The following WASF3 variants were observed in gnomAD, a reference collection of about 807,000 sequenced individuals.
WASF3 encodes the protein WASP family member 3.
Under a neutral mutation model 46.6 loss-of-function variants are expected in WASF3, and 11 were observed. The observed-to-expected ratio is 0.24, with a 90% CI of 0.15 to 0.39. WASF3 has a LOEUF of 0.39. Among genes scored for constraint, WASF3 ranks in the 10% least tolerant of loss-of-function variants. The pLI, the probability that WASF3 is intolerant of heterozygous loss-of-function variation, is 1.00. For missense variants in WASF3, 576 were observed against 669.8 expected (o/e 0.86, Z 1.55); for synonymous variants, 242 against 259.7 (o/e 0.93, Z 0.65).
At chr13:26,547,667 C>A in the WASF3 span, among the ~76,000 whole-genome samples, 1 of 152,150 alleles carries the variant, frequency 6.6e-6, no homozygotes, top group Admixed American at 6.5e-5. Context: ...ATACTTCTCC[C>A]GGCTCTTGTA....
rs191589866 is a variant in WASF3, at chr13:26,687,266, C to G, written c.*1421C>G. Reference sequence around the variant, plus strand: ...GACTTATTAAGGACTTTAACCTACTCAACAGTATTTCATATCCATTGTGGT... The same window carrying G: ...GACTTATTAAGGACTTTAACCTACTGAACAGTATTTCATATCCATTGTGGT... On this transcript the variant is annotated 3_prime_UTR_variant, in exon 10 of 10. Coordinates refer to ENST00000335327, the MANE Select transcript of WASF3 (RefSeq NM_006646.6). The G allele has an allele frequency of 1.3e-5, 2 of 152,316 alleles. No individual in the cohort carries two copies. The highest frequency in any genetic ancestry group is 1.9e-4 in the East Asian group (1 of 5,184). 9.4% of individuals were successfully genotyped at this position (152,316 alleles called of 1,614,324 possible).
Position 26,603,216 on chromosome 13 carries a change from G to A in WASF3, c.-108-9745G>A, listed in dbSNP as rs9581709. On this transcript the variant is annotated intron_variant, in intron 1 of 9. Coordinates refer to ENST00000335327, the MANE Select transcript of WASF3 (RefSeq NM_006646.6). Reference sequence around the variant, plus strand: ...GTTGTAGAAAGCTCAGCAGCTTCTTGTGTCGGGGCCTGGGTGGTACCTTTT... The same window carrying A: ...GTTGTAGAAAGCTCAGCAGCTTCTTATGTCGGGGCCTGGGTGGTACCTTTT... Among the ~76,000 whole-genome samples the A allele has an allele frequency of 3.2e-3, 482 of 152,302 alleles. 4 individuals carry two copies. Among genetic ancestry groups the A allele is most frequent in the Non-Finnish European group, 5.2e-3 (355 of 68,028 alleles).
intron 3 of WASF3, among the ~76,000 whole-genome samples, chr13:26,653,170 C>G (rs1360089798): frequency 6.6e-6 from 1 of 152,178 alleles, no homozygotes; most frequent in African/African-American, 2.4e-5. Context: ...ATGCTCCTAT[C>G]CATGCTGTCT....
intron 1 of WASF3, among the ~76,000 whole-genome samples, chr13:26,599,354 C>T (rs1050771125): frequency 2.6e-5 from 4 of 151,878 alleles, no homozygotes; most frequent in African/African-American, 9.7e-5. Context: ...GGCTAATTTT[C>T]TGTATTTTTT....
chr13:26,667,448 A>G (rs899912290), intron 4 of WASF3, 69 bp from the exon 5 acceptor site: 1 of 1,379,692 alleles, frequency 7.2e-7, no homozygotes, highest in Non-Finnish European at 9.8e-7. Flanking sequence ...TGTGAGTCAA[A>G]TGGTATTTAC....
intron 1 of WASF3, among the ~76,000 whole-genome samples, chr13:26,582,131 T>C (rs1393472422): frequency 3.3e-5 from 5 of 152,220 alleles, no homozygotes; most frequent in Admixed American, 3.3e-4. Context: ...AATGTTATCT[T>C]GCTTTCTGAA....
intron 1 of WASF3, among the ~76,000 whole-genome samples, chr13:26,559,169 C>T (rs1323162657): frequency 2.0e-5 from 3 of 152,160 alleles, no homozygotes; most frequent in Non-Finnish European, 2.9e-5. Context: ...CTCCCTTCTC[C>T]CAGGGTTCTA....
intron 2 of WASF3, among the ~76,000 whole-genome samples, chr13:26,629,767 A>G (rs569961301): frequency 2.6e-5 from 4 of 152,152 alleles, no homozygotes; most frequent in South Asian, 2.1e-4. Context: ...TTTATGGTCA[A>G]CTGCTGCTAG....
At chr13:26,578,729 TGG>T (rs1426397918) in intron 1 of WASF3, among the ~76,000 whole-genome samples, 1 of 152,160 alleles carries the variant, frequency 6.6e-6, no homozygotes, top group Admixed American at 6.5e-5. Flanking sequence ...CTAACCTCTC[TGG>T]GACCTATGAG....
At chr13:26,542,179 G>GCACACTT in the WASF3 span, among the ~76,000 whole-genome samples, 2 of 152,194 alleles carry the variant, frequency 1.3e-5, no homozygotes, top group Non-Finnish European at 2.9e-5. Context: ...AAGATGAATT[G>GCACACTT]CACACTTAGA....
chr13:26,670,648 A>G (rs1316312269), intron 5 of WASF3, among the ~76,000 whole-genome samples: 1 of 152,134 alleles, frequency 6.6e-6, no homozygotes, highest in Non-Finnish European at 1.5e-5. Flanking sequence ...CTAGACCTCT[A>G]CCTATTCAAG....
chr13:26,591,438 T>C (rs537903032), intron 1 of WASF3, among the ~76,000 whole-genome samples: 2 of 152,084 alleles, frequency 1.3e-5, no homozygotes, highest in East Asian at 3.9e-4. Context: ...AGGATTTTGA[T>C]GTATTTAGAA....
At chr13:26,620,275 T>C (rs1392867268) in intron 2 of WASF3, among the ~76,000 whole-genome samples, 1 of 152,130 alleles carries the variant, frequency 6.6e-6, no homozygotes, top group East Asian at 1.9e-4. Context: ...TAAATTTTTA[T>C]GCACAATAAA....
chr13:26,682,562 C>A lies in WASF3; in HGVS notation c.984-45C>A, dbSNP rs777023404. On this transcript the variant is annotated intron_variant, in intron 8 of 9. Coordinates refer to ENST00000335327, the MANE Select transcript of WASF3 (RefSeq NM_006646.6). This position sits in a 1 kb window ranked among gnomAD's most constrained non-coding sequence, Gnocchi z 4.4. ...TGTCTAAGAGCTCCCAGGACGTGAC[C>A]CTCTCTTGTTCCCTTGGTGACTATG... is the stretch of plus-strand genomic sequence containing the variant. The A allele has an allele frequency of 6.2e-7, 1 of 1,611,906 alleles. No individual in the cohort carries two copies. The highest frequency in any genetic ancestry group is 1.3e-5 in the African/African-American group (1 of 74,850).
chr13:26,554,741 T>C (rs1432044793), upstream of WASF3, among the ~76,000 whole-genome samples: 1 of 152,226 alleles, frequency 6.6e-6, no homozygotes, highest in East Asian at 1.9e-4. Context: ...CTTTTTATCA[T>C]GAAATAACAT....
chr13:26,544,349 G>A, the WASF3 span, among the ~76,000 whole-genome samples: 1 of 152,116 alleles, frequency 6.6e-6, no homozygotes, highest in Non-Finnish European at 1.5e-5. Context: ...ATAGTAAGAT[G>A]GAAGGCCCAA....
chr13:26,638,912 G>A (rs1881909384), intron 2 of WASF3, among the ~76,000 whole-genome samples: 2 of 152,168 alleles, frequency 1.3e-5, no homozygotes, highest in Non-Finnish European at 1.5e-5. Flanking sequence ...GAGGGTGGGT[G>A]GTTAAAAAGA....
At chr13:26,671,539 A>G (rs1223663455) in intron 5 of WASF3, among the ~76,000 whole-genome samples, 1 of 152,224 alleles carries the variant, frequency 6.6e-6, no homozygotes, top group Non-Finnish European at 1.5e-5. Context: ...CCATGTTGGA[A>G]TAAGCAAAAA....
At chr13:26,578,824 G>T (rs1238147520) in intron 1 of WASF3, among the ~76,000 whole-genome samples, 1 of 151,776 alleles carries the variant, frequency 6.6e-6, no homozygotes, top group Non-Finnish European at 1.5e-5. Context: ...TATTGTTCTT[G>T]ATATCATTTA....
Sources: allele counts gnomAD v4.1 joint callset (sites outside exome capture counted in the v4.1 genomes callset), GRCh38; gene constraint gnomAD v4.1.1; non-coding constraint Gnocchi (gnomAD v3.1); transcripts MANE v1.5; gene names NCBI Gene and HGNC (gene_info 2026-07-23, HGNC 2026-07-21).